The following ACLY variants were observed in gnomAD, a reference collection of about 807,000 sequenced individuals.
ACLY encodes ATP citrate lyase.
In ACLY, 41 loss-of-function variants were observed where a neutral mutation model predicts 133.0. That is an observed-to-expected ratio of 0.31 (90% CI 0.24 to 0.40). The LOEUF is 0.40. Among genes scored for constraint, ACLY ranks in the 10% least tolerant of loss-of-function variants. The pLI is 1.00. For synonymous variants in ACLY, 495 were observed against 549.3 expected (o/e 0.90, Z 1.38); for missense variants, 1,046 against 1,453.8 (o/e 0.72, Z 4.56).
intron 20 of ACLY, among the ~76,000 whole-genome samples, chr17:41,879,165 A>C (rs1363019178): frequency 6.6e-6 from 1 of 152,092 alleles, no homozygotes; most frequent in Admixed American, 6.6e-5. Flanking sequence ...AAAGACTGGC[A>C]GCCCAACTCC....
intron 22 of ACLY, among the ~76,000 whole-genome samples, chr17:41,876,668 T>TA (rs1371891610): frequency 1.3e-5 from 2 of 152,300 alleles, no homozygotes; most frequent in East Asian, 3.9e-4. Context: ...TTAAATGGAT[T>TA]AAGGGCAGTG....
intron 11 of ACLY, among the ~76,000 whole-genome samples, chr17:41,899,606 C>T (rs1490739234): frequency 2.6e-5 from 4 of 152,194 alleles, no homozygotes; most frequent in African/African-American, 4.8e-5. Flanking sequence ...CCACGCTCCC[C>T]TCCTCCTTGT....
intron 16 of ACLY, among the ~76,000 whole-genome samples, chr17:41,889,488 A>G (rs1332686369): frequency 5.7e-5 from 7 of 122,142 alleles, no homozygotes; most frequent in African/African-American, 2.1e-4. Flanking sequence ...CGCTGTACTC[A>G]CTCTAGCTTG....
At chr17:41,902,956 T>A (rs893909006) in intron 10 of ACLY, among the ~76,000 whole-genome samples, 1 of 152,164 alleles carries the variant, frequency 6.6e-6, no homozygotes, top group African/African-American at 2.4e-5. Context: ...CCCACTAATT[T>A]TTTTTAAATT....
At chr17:41,898,417 T>G (rs2144340611) in intron 12 of ACLY, among the ~76,000 whole-genome samples, 1 of 152,332 alleles carries the variant, frequency 6.6e-6, no homozygotes, top group South Asian at 2.1e-4. Flanking sequence ...CCGGCCACAA[T>G]TTGAACTTGG....
At chr17:41,901,644 G>T in intron 11 of ACLY, 52 bp downstream of exon 11, 1 of 1,478,960 alleles carries the variant, frequency 6.8e-7, no homozygotes, top group Non-Finnish European at 9.4e-7. Context: ...ATCCCAAAGA[G>T]GAAGGCCACC....
intron 25 of ACLY, 42 bp downstream of exon 25, chr17:41,871,647 G>T (rs1471308755): frequency 6.2e-7 from 1 of 1,611,634 alleles, no homozygotes; most frequent in Non-Finnish European, 8.5e-7. Context: ...GGGCCACCGC[G>T]CCTGGCCTCC....
chr17:41,921,931 C>T (rs1330779545), upstream of ACLY, among the ~76,000 whole-genome samples: 2 of 152,126 alleles, frequency 1.3e-5, no homozygotes, highest in Non-Finnish European at 2.9e-5. Flanking sequence ...CACGGTGGCT[C>T]GAGCCTGTAA....
rs1473396429 is a variant in ACLY, at chr17:41,887,448, C to T, written c.1875+151G>A. 1.6e-5 allele frequency: 10 copies of T among 636,378 alleles called. No individual in the cohort carries two copies. In the East Asian group the frequency reaches 3.1e-4, roughly 20 times the overall value. 39.4% of individuals were successfully genotyped at this position (636,378 alleles called of 1,614,324 possible). On this transcript the variant is annotated intron_variant, in intron 17 of 28. Transcript: ENST00000352035. ...GTGAGGCTGTGTCTCAAAAAAAAAGCTAAAAATGGACAGACTGATTTTCAA... is the reference window on the plus strand; with the variant it reads ...GTGAGGCTGTGTCTCAAAAAAAAAGTTAAAAATGGACAGACTGATTTTCAA...
At chr17:41,892,542 A>T in intron 15 of ACLY, 95 bp from the exon 16 acceptor site, 1 of 1,151,924 alleles carries the variant, frequency 8.7e-7, no homozygotes, top group Non-Finnish European at 1.3e-6. Context: ...GAAGATAGAA[A>T]AGGCATGGTC....
chr17:41,906,484 G>A, intron 8 of ACLY, 44 bp downstream of exon 8: 1 of 1,549,836 alleles, frequency 6.5e-7, no homozygotes, highest in Non-Finnish European at 8.9e-7. Flanking sequence ...TGTTGATGCT[G>A]GGTAGACTGG....
intron 19 of ACLY, among the ~76,000 whole-genome samples, chr17:41,883,699 C>A (rs1426504072): frequency 6.6e-6 from 1 of 151,080 alleles, no homozygotes; most frequent in Non-Finnish European, 1.5e-5. Context: ...ATTCTCCCAC[C>A]TCAGCCTCCC....
In ACLY at chr17:41,912,540, G is replaced by C. The variant is rs2049935177; in HGVS notation, c.162C>G (p.Asn54Lys). ...LQDHPWLLSQ[N>K]LVVKPDQLIK... Reference sequence around the variant, plus strand: ...TCAGCTGGTCTGGCTTGACTACCAAGTTCTGGAACAAAAGCGGTTTGTATT... The same window carrying C: ...TCAGCTGGTCTGGCTTGACTACCAACTTCTGGAACAAAAGCGGTTTGTATT... The change falls in exon 3 of 29, where the codon AAC becomes AAG. Residue 54 changes from asparagine to lysine, a missense_variant and splice_region_variant. By Grantham distance (94) the Asn-to-Lys change is moderately conservative. Coordinates refer to ENST00000352035, the MANE Select transcript of ACLY (RefSeq NM_001096.3). 1.9e-6 allele frequency: 3 copies of C among 1,614,130 alleles called. No homozygotes were observed. The highest frequency in any genetic ancestry group is 2.5e-6 in the Non-Finnish European group (3 of 1,179,984).
intron 20 of ACLY, 61 bp from the exon 21 acceptor site, chr17:41,878,985 T>C (rs559347356): frequency 1.4e-5 from 23 of 1,605,112 alleles, no homozygotes; most frequent in Non-Finnish European, 1.8e-5. Flanking sequence ...TAGAATCCCA[T>C]GTAAAGTGTG....
chr17:41,894,005 A>G (rs1188381545), intron 14 of ACLY, among the ~76,000 whole-genome samples: 2 of 152,076 alleles, frequency 1.3e-5, no homozygotes, highest in Non-Finnish European at 2.9e-5. Context: ...CTTGAGCTCA[A>G]GAGTTCAAGA....
intron 14 of ACLY, among the ~76,000 whole-genome samples, chr17:41,894,331 C>T (rs2049300768): frequency 7.0e-6 from 1 of 142,058 alleles, no homozygotes; most frequent in Non-Finnish European, 1.5e-5. Context: ...GAGCCAAGAT[C>T]GCACCACTGC....
At chr17:41,874,855 G>A (rs1390647342) in intron 22 of ACLY, among the ~76,000 whole-genome samples, 2 of 149,348 alleles carry the variant, frequency 1.3e-5, no homozygotes, top group Non-Finnish European at 1.5e-5. Context: ...TTACAGGCGT[G>A]AGCCACTGCA....
chr17:41,887,295 C>T (rs553264723), intron 17 of ACLY, among the ~76,000 whole-genome samples: 4 of 151,940 alleles, frequency 2.6e-5, no homozygotes, highest in East Asian at 3.9e-4. Flanking sequence ...AAAAATTAGC[C>T]GGACATGGTG....
chr17:41,882,118 C>A, intron 20 of ACLY, among the ~76,000 whole-genome samples: 1 of 151,906 alleles, frequency 6.6e-6, no homozygotes, highest in Non-Finnish European at 1.5e-5. Flanking sequence ...CCTGTAATCC[C>A]AGCGCTTTGG....
Sources: gnomAD v4.1 joint callset for allele counts (sites outside exome capture counted in the v4.1 genomes callset) on GRCh38, gnomAD v4.1.1 for gene constraint, MANE v1.5 for transcripts, NCBI Gene and HGNC (gene_info 2026-07-23, HGNC 2026-07-21) for gene names.